The following PRR5 variants were observed in gnomAD, a reference collection of about 807,000 sequenced individuals.
PRR5 encodes the protein proline-rich protein 5.
In PRR5, 25 loss-of-function variants were observed where a neutral mutation model predicts 30.6. The observed-to-expected ratio is 0.82, with a 90% CI of 0.60 to 1.14. PRR5 has a LOEUF of 1.14. Ranked by LOEUF, PRR5 falls within the 50% of genes most tolerant of loss-of-function variation. PRR5 has a pLI of 0.00. For synonymous variants in PRR5, 286 were observed against 247.1 expected (o/e 1.16, Z -1.48); for missense variants, 600 against 547.1 (o/e 1.10, Z -0.96).
At chr22:44,703,972 G>C (rs575557973) in intron 1 of PRR5, among the ~76,000 whole-genome samples, 43 of 152,342 alleles carry the variant, frequency 2.8e-4, no homozygotes, top group African/African-American at 7.9e-4. Context: ...AGAGGAAAGA[G>C]TTAAATAGAC....
At chr22:44,669,412 T>C (rs1393865629) in intron 1 of PRR5, among the ~76,000 whole-genome samples, 2 of 151,984 alleles carry the variant, frequency 1.3e-5, no homozygotes, top group African/African-American at 4.8e-5. Flanking sequence ...TGGGGGCAGG[T>C]GGAGGCAGCA....
chr22:44,727,240 C>G (rs1470851728), intron 4 of PRR5, among the ~76,000 whole-genome samples: 1 of 152,102 alleles, frequency 6.6e-6, no homozygotes, highest in African/African-American at 2.4e-5. Flanking sequence ...GAGGTCCCCG[C>G]TGGCCTCACT....
At chr22:44,674,727 G>GA (rs1013254680), upstream of PRR5, among the ~76,000 whole-genome samples, 22 of 147,224 alleles carry the variant, frequency 1.5e-4, no homozygotes, top group Admixed American at 2.7e-4. Context: ...TAAAAAAAAA[G>GA]AAAAAAAAAT....
upstream of PRR5, among the ~76,000 whole-genome samples, chr22:44,698,297 G>GTGATGTGTGAATGAGTCT (rs1322767957): frequency 7.3e-5 from 11 of 150,884 alleles, no homozygotes; most frequent in African/African-American, 2.7e-4. Context: ...GGTGGCTTTG[G>GTGATGTGTGAATGAGTCT]GGATGTGTGA....
rs1484598771 is a variant in PRR5, at chr22:44,705,012, T to C, written c.134+2404T>C. ...GCAGGGTCGGGGACAGGCGTGTCAT[T>C]CTGCAGGGCCTGGCCGTGTACTCCT... On this transcript the variant is annotated intron_variant, in intron 1 of 7. Transcript: ENST00000336985. Among the ~76,000 whole-genome samples the C allele has an allele frequency of 1.3e-5, 2 of 152,106 alleles. 1 individual carries two copies.
chr22:44,702,970 G>A (rs1172260052), intron 1 of PRR5, among the ~76,000 whole-genome samples: 1 of 152,226 alleles, frequency 6.6e-6, no homozygotes, highest in African/African-American at 2.4e-5. Flanking sequence ...GGAGCAGGAA[G>A]TATTTTTCCC....
At chr22:44,715,955 G>A (rs1486403979) in intron 2 of PRR5, among the ~76,000 whole-genome samples, 7 of 152,192 alleles carry the variant, frequency 4.6e-5, no homozygotes, top group Admixed American at 4.6e-4. Context: ...GGCCAGCTGG[G>A]TATTTAAACA....
chr22:44,675,765 A>G (rs880856), upstream of PRR5, among the ~76,000 whole-genome samples: 2,812 of 123,224 alleles, frequency 0.023, 79 homozygotes, highest in African/African-American at 0.11. Flanking sequence ...TGCTGTTGTT[A>G]TTATTATTAT....
intron 4 of PRR5, among the ~76,000 whole-genome samples, chr22:44,727,845 A>G (rs1921140044): frequency 1.3e-5 from 2 of 152,196 alleles, no homozygotes; most frequent in Non-Finnish European, 1.5e-5. Flanking sequence ...CAGGAACACA[A>G]AGAGAGGCCA....
chr22:44,723,359 T>C (rs907222131), intron 2 of PRR5, among the ~76,000 whole-genome samples: 32 of 152,190 alleles, frequency 2.1e-4, no homozygotes, highest in African/African-American at 7.5e-4. Context: ...ATTTTACTGT[T>C]TGGTTATAAC....
upstream of PRR5, among the ~76,000 whole-genome samples, chr22:44,701,425 GAGA>G (rs1926274104): frequency 1.3e-5 from 2 of 152,272 alleles, no homozygotes; most frequent in South Asian, 4.1e-4. Context: ...GGAAAATGGG[GAGA>G]AGAATAATCT....
upstream of PRR5, among the ~76,000 whole-genome samples, chr22:44,700,401 G>A (rs1926145688): frequency 6.6e-6 from 1 of 152,144 alleles, no homozygotes; most frequent in Non-Finnish European, 1.5e-5. Flanking sequence ...GGAGGCAGAG[G>A]TTAGCAGTGA....
intron 1 of PRR5, among the ~76,000 whole-genome samples, chr22:44,680,862 T>C (rs928036244): frequency 1.3e-5 from 2 of 151,980 alleles, no homozygotes; most frequent in African/African-American, 4.8e-5. Context: ...CAAGGTGGGA[T>C]TTGAGAACCT....
Position 44,736,782 on chromosome 22 carries a change from C to T in PRR5, c.702C>T (p.Leu234=), listed in dbSNP as rs759316874. The T allele has an allele frequency of 4.5e-6, 7 of 1,546,496 alleles. No homozygotes were observed. Among genetic ancestry groups the T allele is most frequent in the Admixed American group, 3.8e-5 (2 of 53,260 alleles). ...CGTGTCTCTCCCCAGAAAAGCGCCT[C>T]CTCCGCCGCTCCCGCTCGGGGGACG... ...FTHSCILEKR[L]LRRSRSGDVL... The change falls in exon 8 of 8, where the codon CTC becomes CTT. Residue 234 remains leucine, a synonymous_variant. Transcript: ENST00000336985.
At chr22:44,675,247 C>G (rs1923666412), upstream of PRR5, among the ~76,000 whole-genome samples, 1 of 91,448 alleles carries the variant, frequency 1.1e-5, no homozygotes, top group African/African-American at 8.4e-5. Context: ...AAGACGCTGT[C>G]TCAAAAAAAA....
chr22:44,713,393 G>A (rs917818317), intron 1 of PRR5, among the ~76,000 whole-genome samples: 42 of 152,184 alleles, frequency 2.8e-4, no homozygotes, highest in African/African-American at 9.9e-4. Context: ...CACCCCGCTC[G>A]GCCTAATTTT....
chr22:44,707,300 G>A (rs575979887), intron 1 of PRR5, among the ~76,000 whole-genome samples: 2 of 152,316 alleles, frequency 1.3e-5, no homozygotes, highest in Admixed American at 6.5e-5. Flanking sequence ...AGGAGTGGCC[G>A]GCCACTGGGG....
intron 4 of PRR5, chr22:44,730,821 C>A: frequency 2.2e-6 from 1 of 453,318 alleles, no homozygotes; most frequent in Non-Finnish European, 3.9e-6. Flanking sequence ...GTCCTCTGGG[C>A]CACTGACTGT....
intron 4 of PRR5, chr22:44,730,103 G>C (rs956149384): frequency 2.9e-5 from 29 of 985,260 alleles, no homozygotes; most frequent in Non-Finnish European, 3.5e-5. Context: ...CCCCAGGGCT[G>C]CCCCTGGCGG....
Sources: allele counts gnomAD v4.1 joint callset (sites outside exome capture counted in the v4.1 genomes callset), GRCh38; gene constraint gnomAD v4.1.1; transcripts MANE v1.5; gene names NCBI Gene and HGNC (gene_info 2026-07-23, HGNC 2026-07-21).